The following LYPLAL1 variants were observed in gnomAD, a reference collection of about 807,000 sequenced individuals.
LYPLAL1 encodes lysophospholipase-like protein 1.
A neutral mutation model predicts 19.7 loss-of-function variants in LYPLAL1; 23 were observed. That is an observed-to-expected ratio of 1.17 (90% CI 0.84 to 1.65). The LOEUF (loss-of-function observed/expected upper bound fraction) is 1.65. Ranked by LOEUF, LYPLAL1 falls within the 40% of genes most tolerant of loss-of-function variation. The pLI, the probability that LYPLAL1 is intolerant of heterozygous loss-of-function variation, is 0.00. For missense variants in LYPLAL1, 355 were observed against 279.4 expected, an observed-to-expected ratio of 1.27 and a Z score of -1.93; for synonymous variants, 119 against 96.3, an observed-to-expected ratio of 1.24 and a Z score of -1.38.
chr1:219,431,136 C>T, the LYPLAL1 span, among the ~76,000 whole-genome samples: 1 of 152,110 alleles, frequency 6.6e-6, no homozygotes, highest in Non-Finnish European at 1.5e-5. Context: ...AGGAGAAAGA[C>T]TGCAATGGAG....
the LYPLAL1 span, among the ~76,000 whole-genome samples, chr1:219,269,954 TA>T: frequency 2.0e-5 from 3 of 152,090 alleles, no homozygotes; most frequent in African/African-American, 4.8e-5. Context: ...GAACGAACTT[TA>T]AAAAAAATTG....
the LYPLAL1 span, among the ~76,000 whole-genome samples, chr1:219,319,241 G>C: frequency 6.6e-6 from 1 of 152,288 alleles, no homozygotes; most frequent in Admixed American, 6.5e-5. Flanking sequence ...TCTGAGGACA[G>C]AGCTTGTGTA....
chr1:219,176,922 A>G (rs80144750), intron 1 of LYPLAL1, among the ~76,000 whole-genome samples: 2,455 of 152,338 alleles, frequency 0.016, 18 homozygotes, highest in Non-Finnish European at 0.023. Context: ...AAAACAAATC[A>G]CTGCTCTCAT....
the LYPLAL1 span, among the ~76,000 whole-genome samples, chr1:219,383,837 A>C: frequency 2.6e-5 from 4 of 152,320 alleles, no homozygotes; most frequent in Admixed American, 6.5e-5. Context: ...TTGATTTAGA[A>C]TAGATAGAGG....
At chr1:219,440,026 T>TATATATAC in the LYPLAL1 span, among the ~76,000 whole-genome samples, 3 of 141,682 alleles carry the variant, frequency 2.1e-5, no homozygotes, top group African/African-American at 8.0e-5. Context: ...CACACACACA[T>TATATATAC]ATATATATAT....
the LYPLAL1 span, among the ~76,000 whole-genome samples, chr1:219,318,967 T>C: frequency 1.3e-5 from 2 of 152,230 alleles, no homozygotes; most frequent in African/African-American, 2.4e-5. Flanking sequence ...ACTGACCCCT[T>C]GGGATTGCTT....
Position 219,179,140 on chromosome 1 carries a change from T to G in LYPLAL1, c.92-7T>G. The G allele has an allele frequency of 6.3e-7, 1 of 1,582,346 alleles. No individual in the cohort carries two copies. ...TTTATTTTAATCTAGATTTTTTGAT[T>G]CATCAGGTGATTCTGGACAAGGATT... On this transcript the variant is annotated splice_region_variant and splice_polypyrimidine_tract_variant and intron_variant, in intron 1 of 4. Coordinates refer to ENST00000366928, the MANE Select transcript of LYPLAL1 (RefSeq NM_138794.5).
chr1:219,199,192 A>C (rs1270442057), intron 3 of LYPLAL1, among the ~76,000 whole-genome samples: 1 of 152,160 alleles, frequency 6.6e-6, no homozygotes, highest in Admixed American at 6.5e-5. Flanking sequence ...GTGCAAGACA[A>C]ATTCTTTTAG....
the LYPLAL1 span, among the ~76,000 whole-genome samples, chr1:219,378,049 G>A: frequency 6.6e-6 from 1 of 152,176 alleles, no homozygotes; most frequent in Non-Finnish European, 1.5e-5. Flanking sequence ...AGGAGGATTT[G>A]GCCATAGGTT....
the LYPLAL1 span, among the ~76,000 whole-genome samples, chr1:219,387,227 C>T: frequency 1.3e-5 from 2 of 152,220 alleles, no homozygotes; most frequent in African/African-American, 2.4e-5. Context: ...CTACACTTAC[C>T]TACCTAATTA....
the LYPLAL1 span, among the ~76,000 whole-genome samples, chr1:219,338,303 A>G: frequency 6.6e-6 from 1 of 152,060 alleles, no homozygotes; most frequent in Admixed American, 6.6e-5. Context: ...GAATGAGGCC[A>G]AGAATAGATA....
At chr1:219,392,869 T>A in the LYPLAL1 span, among the ~76,000 whole-genome samples, 1 of 152,148 alleles carries the variant, frequency 6.6e-6, no homozygotes, top group Non-Finnish European at 1.5e-5. Flanking sequence ...ATAAATAAAA[T>A]AAAACTAACT....
the LYPLAL1 span, among the ~76,000 whole-genome samples, chr1:219,229,170 T>A: frequency 6.6e-6 from 1 of 151,906 alleles, no homozygotes; most frequent in East Asian, 1.9e-4. Flanking sequence ...ATGTAAATAT[T>A]TCTTCCGATA....
At chr1:219,214,091 C>T (rs1396902260), downstream of LYPLAL1, among the ~76,000 whole-genome samples, 3 of 152,014 alleles carry the variant, frequency 2.0e-5, no homozygotes, top group Non-Finnish European at 4.4e-5. Context: ...AGAGTTATTA[C>T]GATGAATGGC....
At chr1:219,192,328 G>T (rs932489386) in intron 2 of LYPLAL1, among the ~76,000 whole-genome samples, 3 of 151,602 alleles carry the variant, frequency 2.0e-5, no homozygotes, top group African/African-American at 7.3e-5. Flanking sequence ...AATTTGAGAT[G>T]GCAAAGTAGA....
At chr1:219,317,438 A>G in the LYPLAL1 span, among the ~76,000 whole-genome samples, 1 of 152,244 alleles carries the variant, frequency 6.6e-6, no homozygotes, top group Non-Finnish European at 1.5e-5. Context: ...AGAGAGGTAC[A>G]GGGAAGTCAC....
In LYPLAL1 at chr1:219,211,526, T is replaced by C; in HGVS notation, c.512T>C (p.Leu171Ser). ...AAGAGTAATGGTGTACTTCCTGAAT[T>C]ATTTCAGTGTCATGGTACTGCAGAT... is the stretch of plus-strand genomic sequence containing the variant. ...LQKSNGVLPE[L>S]FQCHGTADEL... The change falls in exon 5 of 5, where the codon TTA becomes TCA. Residue 171 changes from leucine (L) to serine (S), a missense_variant. By Grantham distance (145) the Leu-to-Ser change is moderately radical. Coordinates refer to ENST00000366928, the MANE Select transcript of LYPLAL1 (RefSeq NM_138794.5). 3 of 1,612,432 alleles carry C rather than the reference T, an allele frequency of 1.9e-6. No individual in the cohort carries two copies. Among genetic ancestry groups the C allele is most frequent in the Middle Eastern group, 1.7e-4 (1 of 6,044 alleles).
At chr1:219,415,931 C>G in the LYPLAL1 span, among the ~76,000 whole-genome samples, 1 of 152,164 alleles carries the variant, frequency 6.6e-6, no homozygotes, top group Non-Finnish European at 1.5e-5. Flanking sequence ...TAGCGCTTCT[C>G]TCTTCTTTTA....
chr1:219,375,096 C>T, the LYPLAL1 span, among the ~76,000 whole-genome samples: 76 of 152,200 alleles, frequency 5.0e-4, no homozygotes, highest in Non-Finnish European at 9.6e-4. Flanking sequence ...AGCCTAATAG[C>T]TGTTGTCAAC....
Sources: gnomAD v4.1 joint callset for allele counts (sites outside exome capture counted in the v4.1 genomes callset) on GRCh38, gnomAD v4.1.1 for gene constraint, MANE v1.5 for transcripts, NCBI Gene and HGNC (gene_info 2026-07-23, HGNC 2026-07-21) for gene names.